KIF14: variants seen among roughly 807,000 people sequenced by gnomAD.
KIF14 encodes the protein kinesin family member 14, also known as kinesin-like protein KIF14.
Under a neutral mutation model 176.2 loss-of-function variants are expected in KIF14, and 98 were observed. That is an observed-to-expected ratio of 0.56 (90% CI 0.47 to 0.66). The LOEUF (loss-of-function observed/expected upper bound fraction) is 0.66. Among genes scored for constraint, KIF14 ranks in the 30% least tolerant of loss-of-function variants. The pLI is 0.00. For synonymous variants in KIF14, 566 were observed against 632.2 expected, an observed-to-expected ratio of 0.90 and a Z score of 1.57; for missense variants, 1,751 against 1,920.4, an observed-to-expected ratio of 0.91 and a Z score of 1.65.
rs1265175600 is a variant in KIF14 at position 200,590,220 on chromosome 1, G to T, written c.2866C>A (p.Gln956Lys). The change falls in exon 17 of 30, where the codon CAA (glutamine) becomes AAA (lysine). Residue 956 changes from glutamine to lysine, a missense_variant. Transcript: ENST00000367350. ...AQLKAKEEMMQGIQIAKEMAQ... is the reference protein window; with the variant it reads ...AQLKAKEEMMKGIQIAKEMAQ... ...ATTTCTTTTGCAATCTGGATTCCTT[G>T]CATCATTTCTTCCTTTGCCTTCAAC... is the stretch of plus-strand genomic sequence containing the variant. 6.2e-7 allele frequency: 1 copy of T among 1,613,724 alleles called. No homozygotes were observed. The highest frequency in any genetic ancestry group is 1.7e-5 in the Admixed American group (1 of 59,988).
chr1:200,553,812 T>C, intron 29 of KIF14, 45 bp from the exon 30 acceptor site: 2 of 1,520,252 alleles, frequency 1.3e-6, no homozygotes, highest in Non-Finnish European at 1.8e-6. Flanking sequence ...CTTTTCAGTT[T>C]TCATCAGGTA....
chr1:200,598,281 G>C lies in KIF14; in HGVS notation c.2505C>G (p.Ser835Arg). 1 of 1,613,140 alleles carries C rather than the reference G, an allele frequency of 6.2e-7. No homozygotes were observed. Among genetic ancestry groups the C allele is most frequent in the Non-Finnish European group, 8.5e-7 (1 of 1,179,660 alleles). Residue 835 changes from serine (S) to arginine (R), a missense_variant, in exon 14 of 30, where the codon AGC (serine) becomes AGG (arginine). Physicochemically the swap from Ser to Arg is moderately radical, Grantham distance 110. Transcript: ENST00000367350. ...GCACCCCAGATAACTGAATATCATG[G>C]CTTGAGTTTGGTTTATACTTTCCAA... ...TTVGKYKPNS[S>R]HDIQLSGVLI...
intron 8 of KIF14, 67 bp from the exon 9 acceptor site, chr1:200,604,022 G>T: frequency 1.0e-6 from 1 of 957,296 alleles, no homozygotes; most frequent in South Asian, 1.3e-5. Flanking sequence ...TTTTTTTAAA[G>T]GGAAAGCTGT....
chr1:200,614,279 T>G (rs1660296417), intron 4 of KIF14, 39 bp downstream of exon 4: 2 of 1,111,012 alleles, frequency 1.8e-6, no homozygotes, highest in East Asian at 4.7e-5. Flanking sequence ...GACTATTTTC[T>G]ACTCTGAAAA....
At chr1:200,585,962 AT>A in intron 19 of KIF14, 138 bp downstream of exon 19, 1 of 526,198 alleles carries the variant, frequency 1.9e-6, no homozygotes. Flanking sequence ...ATACAAATTT[AT>A]TTAGATCCAG....
chr1:200,603,824 A>C lies in KIF14; in HGVS notation c.1863+15T>G, dbSNP rs760368323. ...GAATAAATTTCATCAAAAGGAGAAA[A>C]AGCATTCCATTTACCTTTAGTCGAT... On this transcript the variant is annotated intron_variant, in intron 9 of 29. Transcript: ENST00000367350. The C allele has an allele frequency of 1.3e-6, 2 of 1,482,150 alleles. No individual in the cohort carries two copies. Among genetic ancestry groups the C allele is most frequent in the Non-Finnish European group, 1.9e-6 (2 of 1,061,100 alleles). 91.8% of individuals were successfully genotyped at this position (1,482,150 alleles called of 1,614,324 possible).
intron 4 of KIF14, among the ~76,000 whole-genome samples, chr1:200,613,867 AG>A (rs1660276738): frequency 6.6e-6 from 1 of 152,242 alleles, no homozygotes; most frequent in Non-Finnish European, 1.5e-5. Context: ...AAGCCAGTAC[AG>A]CCTATTCAGG....
intron 22 of KIF14, among the ~76,000 whole-genome samples, chr1:200,572,490 G>T (rs1426375624): frequency 6.6e-6 from 1 of 151,996 alleles, no homozygotes; most frequent in Non-Finnish European, 1.5e-5. Context: ...GATTACAGGC[G>T]CCCAACACCA....
rs1222017548 is a variant in KIF14, at chr1:200,560,870, A to G, written c.4082T>C (p.Leu1361Ser). The change falls in exon 26 of 30, where the codon TTG (leucine) becomes TCG (serine). Residue 1361 changes from leucine to serine, a missense_variant. Physicochemically the swap from Leu to Ser is moderately radical, Grantham distance 145. Coordinates refer to ENST00000367350, the MANE Select transcript of KIF14 (RefSeq NM_014875.3). ...CTCTTTTATCATTGATGAAATATCCAAACAGCATCCCTGTAAGATAAAAAT... is the reference window on the plus strand; with the variant it reads ...CTCTTTTATCATTGATGAAATATCCGAACAGCATCCCTGTAAGATAAAAAT... The part of the protein sequence containing the change: ...YLQLFLQGCC[L>S]DISSMIKEAQ... 2 of 1,613,402 alleles carry G rather than the reference A, an allele frequency of 1.2e-6. No homozygotes were observed. The highest frequency in any genetic ancestry group is 1.3e-5 in the African/African-American group (1 of 75,054).
intron 20 of KIF14, among the ~76,000 whole-genome samples, 192 bp downstream of exon 20, chr1:200,581,009 G>A (rs1658409586): frequency 6.6e-6 from 1 of 151,014 alleles, no homozygotes. Flanking sequence ...AGTTACTCAG[G>A]AGGCTGAGGC....
chr1:200,590,056 C>T, intron 17 of KIF14, 69 bp downstream of exon 17: 1 of 1,493,764 alleles, frequency 6.7e-7, no homozygotes, highest in Non-Finnish European at 9.0e-7. Flanking sequence ...ACATAATCAA[C>T]TTTATAGGCA....
At chr1:200,583,626 C>CA (rs1466616410) in intron 19 of KIF14, among the ~76,000 whole-genome samples, 3 of 151,836 alleles carry the variant, frequency 2.0e-5, no homozygotes, top group Admixed American at 6.6e-5. Flanking sequence ...AGAAATGTAC[C>CA]AAAAAAAGTG....
chr1:200,605,196 G>A (rs1659812558), intron 8 of KIF14, 87 bp downstream of exon 8: 3 of 1,285,438 alleles, frequency 2.3e-6, no homozygotes, highest in South Asian at 1.3e-5. Context: ...AACTGAATGA[G>A]ATCGGGAACT....
At chr1:200,575,189 C>T (rs1037031114) in intron 22 of KIF14, among the ~76,000 whole-genome samples, 1 of 152,012 alleles carries the variant, frequency 6.6e-6, no homozygotes. Flanking sequence ...ATCTCCTGAC[C>T]TCGTGATCCA....
intron 4 of KIF14, among the ~76,000 whole-genome samples, chr1:200,613,140 G>A (rs886603538): frequency 2.6e-5 from 4 of 151,900 alleles, no homozygotes; most frequent in East Asian, 3.9e-4. Flanking sequence ...TGCCCGCTTC[G>A]GCCTCCCAAA....
chr1:200,570,115 C>T (rs1254871806), intron 22 of KIF14, 110 bp from the exon 23 acceptor site: 1 of 525,746 alleles, frequency 1.9e-6, no homozygotes, highest in Non-Finnish European at 3.2e-6. Context: ...GTGTGTTTTT[C>T]ATTAAAAATT....
intron 8 of KIF14, 148 bp from the exon 9 acceptor site, chr1:200,604,103 G>A (rs1659759607): frequency 1.7e-6 from 1 of 576,090 alleles, no homozygotes; most frequent in Admixed American, 2.8e-5. Flanking sequence ...GTCTCACTCT[G>A]TTGCCCAGGC....
chr1:200,576,815 C>CA (rs1553256131), intron 21 of KIF14, among the ~76,000 whole-genome samples: 1 of 151,980 alleles, frequency 6.6e-6, no homozygotes, highest in Non-Finnish European at 1.5e-5. Flanking sequence ...TAAGAATTCT[C>CA]TTTTTTTCTT....
At chr1:200,582,495 T>A (rs541743611) in intron 19 of KIF14, among the ~76,000 whole-genome samples, 2 of 152,270 alleles carry the variant, frequency 1.3e-5, no homozygotes, top group Admixed American at 1.3e-4. Context: ...AATCAAGTAA[T>A]CATTGTAAGG....
Sources: allele counts gnomAD v4.1 joint callset (sites outside exome capture counted in the v4.1 genomes callset), GRCh38; gene constraint gnomAD v4.1.1; transcripts MANE v1.5; gene names NCBI Gene and HGNC (gene_info 2026-07-23, HGNC 2026-07-21).